The following ASB14 variants were observed in gnomAD, a reference collection of about 807,000 sequenced individuals.
ASB14 encodes ankyrin repeat and SOCS box containing 14.
Under a neutral mutation model 55.6 loss-of-function variants are expected in ASB14, and 63 were observed. The ratio of observed to expected loss-of-function variants is 1.13; its 90% CI spans 0.92 to 1.40. ASB14 has a LOEUF of 1.40. ASB14 is among the 40% of genes most tolerant of loss of function. The pLI, the probability that ASB14 is intolerant of heterozygous loss-of-function variation, is 0.00. For missense variants in ASB14, 724 were observed against 710.4 expected, an observed-to-expected ratio of 1.02 and a Z score of -0.22; for synonymous variants, 256 against 259.9, an observed-to-expected ratio of 0.98 and a Z score of 0.15.
At position 57,268,380 on chromosome 3, in the gene ASB14, T is replaced by G. The variant is rs745700417; in HGVS notation, c.*1261A>C. The G allele has an allele frequency of 1.4e-5, 21 of 1,513,102 alleles. No individual in the cohort carries two copies. In the African/African-American group the frequency reaches 2.0e-4, roughly 14 times the overall value. The allele number at this position is 1,513,102 out of a possible 1,614,324, so 93.7% of individuals were successfully genotyped here. A position where few individuals can be genotyped will look rare whatever the true frequency, so the allele number is the denominator to read the frequency against. On this transcript the variant is annotated 3_prime_UTR_variant, in exon 11 of 11. Transcript: ENST00000487349. ...TATTTCATATTTAATTCATTAGTTT[T>G]ATTCATCTGTTCTTTAGGATCGTAG...
At chr3:57,290,360 A>G (rs1407502400) in intron 2 of ASB14, among the ~76,000 whole-genome samples, 2 of 152,202 alleles carry the variant, frequency 1.3e-5, no homozygotes, top group African/African-American at 4.8e-5. Context: ...AGTCCTTTTA[A>G]CACTGCCATC....
chr3:57,288,850 G>C (rs2061103465), intron 3 of ASB14: 1 of 386,958 alleles, frequency 2.6e-6, no homozygotes. Context: ...GAGTAGCTGG[G>C]ATTACAGGCG....
At chr3:57,277,233 C>G (rs2060996973) in intron 9 of ASB14, among the ~76,000 whole-genome samples, 1 of 135,466 alleles carries the variant, frequency 7.4e-6, no homozygotes, top group African/African-American at 2.9e-5. Context: ...CACCACTGCA[C>G]TCCAGCCTGG....
At chr3:57,280,528 G>A in intron 6 of ASB14, 55 bp from the exon 7 acceptor site, 1 of 1,467,842 alleles carries the variant, frequency 6.8e-7, no homozygotes, top group Non-Finnish European at 9.3e-7. Flanking sequence ...TGTATTTCTT[G>A]AGCAATCTTA....
At chr3:57,290,156 A>G (rs558454001) in intron 2 of ASB14, among the ~76,000 whole-genome samples, 14 of 152,368 alleles carry the variant, frequency 9.2e-5, no homozygotes, top group Non-Finnish European at 1.3e-4. Context: ...CAAATTTATT[A>G]TCTTACAGTT....
At position 57,278,615 on chromosome 3, in the gene ASB14, T is replaced by C. The variant is rs1255441571; in HGVS notation, c.1193A>G (p.Asn398Ser). ...TAGCAGCAGACTGATCAGCTCATAGTTGCCCATCCTGAGGGCTATCTGGAG... is the reference window on the plus strand; with the variant it reads ...TAGCAGCAGACTGATCAGCTCATAGCTGCCCATCCTGAGGGCTATCTGGAG... ...NCLQIALRMG[N>S]YELISLLLRH... Residue 398 changes from asparagine to serine, a missense_variant, in exon 8 of 11, where the codon AAC becomes AGC. Transcript: ENST00000487349. 2 of 1,614,110 alleles carry C rather than the reference T, an allele frequency of 1.2e-6. No individual in the cohort carries two copies. The highest frequency in any genetic ancestry group is 1.7e-6 in the Non-Finnish European group (2 of 1,180,034).
At chr3:57,277,521 G>A (rs1033501341) in intron 9 of ASB14, among the ~76,000 whole-genome samples, 3 of 152,208 alleles carry the variant, frequency 2.0e-5, no homozygotes, top group African/African-American at 7.2e-5. Flanking sequence ...CATGATTTAG[G>A]TGGATTGGGA....
intron 4 of ASB14, 28 bp downstream of exon 4, chr3:57,288,127 G>A: frequency 6.5e-7 from 1 of 1,535,966 alleles, no homozygotes; most frequent in South Asian, 1.2e-5. Flanking sequence ...TCTCTCAGAA[G>A]CATCAAGAAG....
At chr3:57,281,387 A>G (rs1233612286) in intron 6 of ASB14, among the ~76,000 whole-genome samples, 1 of 150,240 alleles carries the variant, frequency 6.7e-6, no homozygotes, top group African/African-American at 2.4e-5. Flanking sequence ...AGGAAGGAGA[A>G]AAGAGTTTGG....
At position 57,268,526 on chromosome 3, in the gene ASB14, G is replaced by T. The variant is rs543181053; in HGVS notation, c.*1115C>A. On this transcript the variant is annotated 3_prime_UTR_variant, in exon 11 of 11. Coordinates refer to ENST00000487349, the MANE Select transcript of ASB14 (RefSeq NM_001142733.3). ...ATGTCTGGATCTTTATGTGTTGTTTGTGAAGACTTAATTCAGCACTATGAC... is the reference window on the plus strand; with the variant it reads ...ATGTCTGGATCTTTATGTGTTGTTTTTGAAGACTTAATTCAGCACTATGAC... 6 of 1,543,574 alleles carry T rather than the reference G, an allele frequency of 3.9e-6. No homozygotes were observed. Among genetic ancestry groups the T allele is most frequent in the Non-Finnish European group, 4.3e-6 (5 of 1,150,444 alleles).
At chr3:57,284,888 C>T (rs2061068548) in intron 5 of ASB14, among the ~76,000 whole-genome samples, 1 of 151,030 alleles carries the variant, frequency 6.6e-6, no homozygotes, top group African/African-American at 2.4e-5. Context: ...GAAGGGACCC[C>T]AAATCCTAAT....
At chr3:57,271,255 A>G (rs1160336737) in intron 10 of ASB14, 1 of 152,598 alleles carries the variant, frequency 6.6e-6, no homozygotes, top group African/African-American at 2.4e-5. Context: ...TTCTGTAGGA[A>G]TAGGATAATG....
rs140296488 is a variant in ASB14, at chr3:57,277,126, C to T, written c.1586-398G>A. On this transcript the variant is annotated intron_variant, in intron 9 of 10. Coordinates refer to ENST00000487349, the MANE Select transcript of ASB14 (RefSeq NM_001142733.3). ...ATTAAAAATACAAAAATTAGCTGGGCGTGGTGACTGCATGCCTGTAATCTC... is the reference window on the plus strand; with the variant it reads ...ATTAAAAATACAAAAATTAGCTGGGTGTGGTGACTGCATGCCTGTAATCTC... 2.8e-3 allele frequency among the ~76,000 whole-genome samples: 419 copies of T among 152,058 alleles called. 1 individual carries two copies. Among genetic ancestry groups the T allele is most frequent in the African/African-American group, 9.6e-3 (400 of 41,470 alleles).
chr3:57,289,073 T>C lies in ASB14; in HGVS notation c.173A>G (p.Glu58Gly), dbSNP rs374328632. Residue 58 changes from glutamate (E) to glycine (G), a missense_variant, in exon 3 of 11, where the codon GAG (glutamate) becomes GGG (glycine). Transcript: ENST00000487349. ...AAGGGGATAGGAGTACTTAACTTTC[T>C]CTATTGTTTCAACTATCTTCTTATA... ...ADYKKIVETI[E>G]KGKEDALSHL... is the part of the protein sequence containing the mutation. 49 of 1,524,140 alleles carry C rather than the reference T, an allele frequency of 3.2e-5. No homozygotes were observed. The African/African-American group carries it at 5.5e-4, about 17-fold the overall frequency. 94.4% of individuals were successfully genotyped at this position (1,524,140 alleles called of 1,614,324 possible). A position where few individuals can be genotyped will look rare whatever the true frequency, so the allele number is the denominator to read the frequency against.
Position 57,287,985 on chromosome 3 carries a change from G to T in ASB14, c.385C>A (p.Leu129Ile). The change falls in exon 5 of 11, where the codon CTC becomes ATC. Residue 129 changes from leucine to isoleucine, a missense_variant. Transcript: ENST00000487349. ...TPLFLAVSSCLLENATFLLLN... is the reference protein window; with the variant it reads ...TPLFLAVSSCILENATFLLLN... Reference sequence around the variant, plus strand: ...AGAAGAAAAGTGGCATTTTCTAAGAGGCAACTGCTGACAGCCAAAAAAAGT... The same window carrying T: ...AGAAGAAAAGTGGCATTTTCTAAGATGCAACTGCTGACAGCCAAAAAAAGT... 6.5e-7 allele frequency: 1 copy of T among 1,537,312 alleles called. No homozygotes were observed. The highest frequency in any genetic ancestry group is 8.7e-7 in the Non-Finnish European group (1 of 1,146,896).
At position 57,280,347 on chromosome 3, in the gene ASB14, G is replaced by A. The variant is rs1033076954; in HGVS notation, c.842C>T (p.Ser281Leu). Residue 281 changes from serine to leucine, a missense_variant, in exon 7 of 11, where the codon TCA becomes TTA. Coordinates refer to ENST00000487349, the MANE Select transcript of ASB14 (RefSeq NM_001142733.3). ...TGCCACATGGATGGGCAGGTGGCCT[G>A]AATTCTTAGGGATGTTGGCATCAGC... is the stretch of plus-strand genomic sequence containing the variant. ...YGADANIPKN[S>L]GHLPIHVAAD... is the part of the protein sequence containing the mutation. 1.9e-6 allele frequency: 3 copies of A among 1,550,922 alleles called. No homozygotes were observed. The highest frequency in any genetic ancestry group is 8.7e-7 in the Non-Finnish European group (1 of 1,146,574).
Position 57,269,635 on chromosome 3 carries a change from C to T in ASB14, c.*23-17G>A, listed in dbSNP as rs781180985. On this transcript the variant is annotated splice_polypyrimidine_tract_variant and intron_variant, in intron 10 of 10. Transcript: ENST00000487349. The stretch of plus-strand genomic sequence containing the variant: ...TTTGTTGTCCTTAGCAGTAGCCAGT[C>T]AGAAGAGAGTGATTTGGGAGAAGGA... 4.3e-6 allele frequency: 7 copies of T among 1,613,852 alleles called. No individual in the cohort carries two copies. The highest frequency in any genetic ancestry group is 3.4e-6 in the Non-Finnish European group (4 of 1,179,964).
rs774695493 is a variant in ASB14 at position 57,292,040 on chromosome 3, C to T, written c.-7G>A. 8.5e-6 allele frequency: 13 copies of T among 1,533,868 alleles called. No homozygotes were observed. The highest frequency in any genetic ancestry group is 6.0e-5 in the South Asian group (5 of 83,834). ...CGCTGGTGTAATTATCCATGTGAAA[C>T]GTGGACAGGTTTACTTTAAAGTCAG... On this transcript the variant is annotated 5_prime_UTR_variant, in exon 2 of 11. Transcript: ENST00000487349.
chr3:57,289,225 G>A (rs940079331), intron 2 of ASB14, 102 bp from the exon 3 acceptor site: 29 of 765,386 alleles, frequency 3.8e-5, no homozygotes, highest in Admixed American at 7.2e-5. Context: ...TAGTTAATCC[G>A]GGATGAACTT....
Sources: allele counts gnomAD v4.1 joint callset (sites outside exome capture counted in the v4.1 genomes callset), GRCh38; gene constraint gnomAD v4.1.1; transcripts MANE v1.5; gene names NCBI Gene and HGNC (gene_info 2026-07-23, HGNC 2026-07-21).